The following SBNO1 variants were observed in gnomAD, a reference collection of about 807,000 sequenced individuals.
SBNO1 encodes strawberry notch homolog 1, also known as protein strawberry notch homolog 1.
Under a neutral mutation model 173.6 loss-of-function variants are expected in SBNO1, and 23 were observed. That is an observed-to-expected ratio of 0.13 (90% CI 0.10 to 0.19). SBNO1 has a LOEUF of 0.19. Ranked by LOEUF, SBNO1 falls within the 10% of genes least tolerant of loss-of-function variation. The probability of loss-of-function intolerance (pLI) is 1.00; values close to 1 mark genes in which losing one functional copy is unlikely to be tolerated. For missense variants in SBNO1, 1,238 were observed against 1,671.2 expected, an observed-to-expected ratio of 0.74 and a Z score of 4.52; for synonymous variants, 632 against 571.5, an observed-to-expected ratio of 1.11 and a Z score of -1.51.
intron 1 of SBNO1, chr12:123,364,275 G>T: frequency 1.0e-6 from 1 of 985,542 alleles, no homozygotes; most frequent in Non-Finnish European, 1.2e-6. Context: ...AAGAGGACTT[G>T]GGAAGGATCC....
rs767402184 is a variant in SBNO1 at position 123,325,487 on chromosome 12, G to T, written c.1973+15C>A. On this transcript the variant is annotated intron_variant, in intron 15 of 31. Coordinates refer to ENST00000602398, the MANE Select transcript of SBNO1 (RefSeq NM_001167856.3). Reference sequence around the variant, plus strand: ...TCAAAAAGAAACAAAAACATTAAAAGAACAAAAACATTACTTGGCAGTTGA... The same window carrying T: ...TCAAAAAGAAACAAAAACATTAAAATAACAAAAACATTACTTGGCAGTTGA... 2 of 1,565,260 alleles carry T rather than the reference G, an allele frequency of 1.3e-6. No homozygotes were observed. Among genetic ancestry groups the T allele is most frequent in the Non-Finnish European group, 1.8e-6 (2 of 1,137,144 alleles).
At position 123,320,735 on chromosome 12, in the gene SBNO1, T is replaced by C; in HGVS notation, c.2455A>G (p.Thr819Ala). Residue 819 changes from threonine (T) to alanine (A), a missense_variant, in exon 18 of 32, where the codon ACA (threonine) becomes GCA (alanine). Physicochemically the swap from Thr to Ala is moderately conservative, Grantham distance 58. Transcript: ENST00000602398. ...LGSKRPSFSS[T>A]PVISPAPNST... ...TTAGGAGCAGGTGAGATAACTGGTG[T>C]AGATGAAAAACTAGGTCGTTTTGAT... The C allele has an allele frequency of 1.2e-6, 2 of 1,612,292 alleles. No individual in the cohort carries two copies. Among genetic ancestry groups the C allele is most frequent in the Non-Finnish European group, 1.7e-6 (2 of 1,179,548 alleles).
At chr12:123,328,985 T>C in intron 9 of SBNO1, 90 bp from the exon 10 acceptor site, 1 of 731,126 alleles carries the variant, frequency 1.4e-6, no homozygotes, top group South Asian at 2.4e-5. Context: ...GCAGGAACTC[T>C]TGTTAGGCCC....
intron 4 of SBNO1, among the ~76,000 whole-genome samples, chr12:123,345,038 C>T (rs1459060419): frequency 6.6e-6 from 1 of 152,094 alleles, no homozygotes; most frequent in Non-Finnish European, 1.5e-5. Context: ...ACGTAGCTAC[C>T]TGATGATCCT....
At chr12:123,300,649 C>T (rs1439195369) in intron 30 of SBNO1, among the ~76,000 whole-genome samples, 2 of 139,614 alleles carry the variant, frequency 1.4e-5, no homozygotes, top group Non-Finnish European at 3.1e-5. Context: ...CAGAGCGAGA[C>T]TCCATCTCAA....
chr12:123,332,710 G>A (rs530350001), intron 7 of SBNO1, among the ~76,000 whole-genome samples: 203 of 152,022 alleles, frequency 1.3e-3, no homozygotes, highest in African/African-American at 4.7e-3. Context: ...GGCACTAGAG[G>A]TGTGTACCAC....
At chr12:123,320,991 G>C in intron 17 of SBNO1, 125 bp from the exon 18 acceptor site, 1 of 720,468 alleles carries the variant, frequency 1.4e-6, no homozygotes, top group Non-Finnish European at 2.2e-6. Flanking sequence ...CCAGGCTGGA[G>C]TGCAATGGCG....
At chr12:123,318,398 C>T (rs1869548657) in intron 20 of SBNO1, among the ~76,000 whole-genome samples, 1 of 151,650 alleles carries the variant, frequency 6.6e-6, no homozygotes, top group South Asian at 2.1e-4. Context: ...GAGATCCAGC[C>T]TGGGGGACAA....
At position 123,290,905 on chromosome 12, in the gene SBNO1, G is replaced by GTT. The variant is rs63648160; in HGVS notation, c.*5001_*5002dup. On this transcript the variant is annotated 3_prime_UTR_variant, in exon 32 of 32. Coordinates refer to ENST00000602398, the MANE Select transcript of SBNO1 (RefSeq NM_001167856.3). ...GGCACCCGCCACCACGCCTGGCTAA[G>GTT]TTTTTTTTTTTTTTGTATTTTTAGT... The GTT allele has an allele frequency of 3.2e-4, 46 of 143,732 alleles. No homozygotes were observed. The highest frequency in any genetic ancestry group is 7.9e-4 in the African/African-American group (31 of 39,392). The allele number at this position is 143,732 out of a possible 1,614,324, so 8.9% of individuals were successfully genotyped here. A position where few individuals can be genotyped will look rare whatever the true frequency, so the allele number is the denominator to read the frequency against.
chr12:123,339,655 T>C (rs6488872), intron 5 of SBNO1, among the ~76,000 whole-genome samples: 146,288 of 152,096 alleles, frequency 0.96, 70,496 homozygotes, highest in African/African-American at 0.99. Flanking sequence ...GGGCTGGTGG[T>C]GGGCACCTGT....
At chr12:123,331,855 CTTTT>C (rs1341999351) in intron 7 of SBNO1, among the ~76,000 whole-genome samples, 1 of 150,934 alleles carries the variant, frequency 6.6e-6, no homozygotes, top group African/African-American at 2.4e-5. Flanking sequence ...TGGATACTTT[CTTTT>C]TTTTCTTTTT....
At chr12:123,310,419 A>G (rs911354591) in intron 25 of SBNO1, among the ~76,000 whole-genome samples, 2 of 151,888 alleles carry the variant, frequency 1.3e-5, no homozygotes, top group Non-Finnish European at 2.9e-5. Flanking sequence ...TTTTTAGTAG[A>G]GACAGGGTTC....
intron 30 of SBNO1, among the ~76,000 whole-genome samples, chr12:123,302,397 C>T (rs1309584710): frequency 1.3e-5 from 2 of 152,060 alleles, no homozygotes. Flanking sequence ...TGCCTGCCAT[C>T]ACACCGGCTA....
At chr12:123,305,909 A>C (rs2048902949) in intron 28 of SBNO1, among the ~76,000 whole-genome samples, 1 of 152,216 alleles carries the variant, frequency 6.6e-6, no homozygotes, top group African/African-American at 2.4e-5. Context: ...GCTTCTAAAC[A>C]ATCATTTCTG....
intron 20 of SBNO1, among the ~76,000 whole-genome samples, chr12:123,318,093 C>T (rs1869503041): frequency 6.6e-6 from 1 of 152,148 alleles, no homozygotes; most frequent in Non-Finnish European, 1.5e-5. Context: ...TCCTCAGTAG[C>T]TGGGACTGTG....
rs1209193261 is a variant in SBNO1 at position 123,328,902 on chromosome 12, A to T, written c.1135-7T>A. On this transcript the variant is annotated splice_polypyrimidine_tract_variant and splice_region_variant and intron_variant, in intron 9 of 31. Coordinates refer to ENST00000602398, the MANE Select transcript of SBNO1 (RefSeq NM_001167856.3). ...AAATTTTTCCGTATTTAAACTAAAA[A>T]AGAAAAGAAAAGAATTTAGTTAATT... is the stretch of plus-strand genomic sequence containing the variant. The T allele has an allele frequency of 6.8e-7, 1 of 1,461,104 alleles. No homozygotes were observed. The allele number at this position is 1,461,104 out of a possible 1,614,324, so 90.5% of individuals were successfully genotyped here. A position where few individuals can be genotyped will look rare whatever the true frequency, so the allele number is the denominator to read the frequency against.
intron 5 of SBNO1, 39 bp from the exon 6 acceptor site, chr12:123,336,530 G>A (rs375184194): frequency 5.1e-5 from 68 of 1,335,620 alleles, no homozygotes; most frequent in Non-Finnish European, 6.3e-5. Flanking sequence ...CCAAATCCAG[G>A]GACCAGACGC....
intron 28 of SBNO1, 136 bp downstream of exon 28, chr12:123,309,174 C>A: frequency 1.5e-6 from 1 of 662,056 alleles, no homozygotes; most frequent in Non-Finnish European, 2.7e-6. Flanking sequence ...GACAAACACA[C>A]AATTACAATG....
At chr12:123,340,322 T>C (rs1433372906) in intron 5 of SBNO1, among the ~76,000 whole-genome samples, 2 of 152,178 alleles carry the variant, frequency 1.3e-5, no homozygotes, top group Non-Finnish European at 2.9e-5. Flanking sequence ...GGCTCACGCC[T>C]GTAATCTCAG....
Sources: allele counts gnomAD v4.1 joint callset (sites outside exome capture counted in the v4.1 genomes callset), GRCh38; gene constraint gnomAD v4.1.1; transcripts MANE v1.5; gene names NCBI Gene and HGNC (gene_info 2026-07-23, HGNC 2026-07-21).